The following UGT2B10 variants were observed in gnomAD, a reference collection of about 807,000 sequenced individuals.
The protein encoded by UGT2B10 is UDP glucuronosyltransferase family 2 member B10.
Under a neutral mutation model 43.7 loss-of-function variants are expected in UGT2B10, and 51 were observed. The observed-to-expected ratio is 1.17, with a 90% CI of 0.93 to 1.47. UGT2B10 has a LOEUF of 1.47. Ranked by LOEUF, UGT2B10 falls within the 40% of genes most tolerant of loss-of-function variation. The pLI, the probability that UGT2B10 is intolerant of heterozygous loss-of-function variation, is 0.00. For missense variants in UGT2B10, 696 were observed against 617.7 expected, an observed-to-expected ratio of 1.13 and a Z score of -1.34; for synonymous variants, 225 against 209.0, an observed-to-expected ratio of 1.08 and a Z score of -0.66.
chr4:68,819,741 C>T (rs887909611), intron 2 of UGT2B10, among the ~76,000 whole-genome samples: 2 of 151,930 alleles, frequency 1.3e-5, no homozygotes, highest in Non-Finnish European at 2.9e-5. Flanking sequence ...ATTTCTGCCA[C>T]TTGTTTCTGA....
chr4:68,817,587 A>G (rs555931816), intron 1 of UGT2B10, among the ~76,000 whole-genome samples: 1 of 151,958 alleles, frequency 6.6e-6, no homozygotes, highest in East Asian at 1.9e-4. Flanking sequence ...AACCAAAGAT[A>G]AAAGGATTAG....
chr4:68,826,283 G>A (rs1361974046), intron 3 of UGT2B10, 127 bp from the exon 4 acceptor site: 1 of 979,746 alleles, frequency 1.0e-6, no homozygotes. Context: ...TATTCTTTTT[G>A]CATCAGTCTT....
chr4:68,822,855 T>A (rs1737579853), intron 3 of UGT2B10, among the ~76,000 whole-genome samples: 1 of 152,172 alleles, frequency 6.6e-6, no homozygotes, highest in African/African-American at 2.4e-5. Flanking sequence ...GAAATACAAG[T>A]AAGATTTATG....
rs766138824 is a variant in UGT2B10, at chr4:68,830,714, T to C, written c.1422T>C (p.His474=). ...TCATGCGCCACAAAGGAGCCAAACA[T>C]CTTCGAGTTGCAGCCCACAACCTCA... The part of the protein sequence containing the change: ...EFVMRHKGAK[H]LRVAAHNLTW... The change falls in exon 6 of 6, where the codon CAT becomes CAC. Residue 474 remains histidine, a synonymous_variant. Transcript: ENST00000265403. 20 of 1,613,292 alleles carry C rather than the reference T, an allele frequency of 1.2e-5. No individual in the cohort carries two copies. Among genetic ancestry groups the C allele is most frequent in the African/African-American group, 5.3e-5 (4 of 74,892 alleles).
rs1253981994 is a variant in UGT2B10 at position 68,823,576 on chromosome 4, T to G, written c.999+1174T>G. Among the ~76,000 whole-genome samples the G allele has an allele frequency of 2.0e-5, 3 of 152,286 alleles. No individual in the cohort carries two copies. In the East Asian group the frequency reaches 5.8e-4, roughly 29 times the overall value. On this transcript the variant is annotated intron_variant, in intron 3 of 5. Coordinates refer to ENST00000265403, the MANE Select transcript of UGT2B10 (RefSeq NM_001075.6). Reference sequence around the variant, plus strand: ...TCAGGACCTAGAAGTTTTACTTTTATAAACATGGTGCCTGGAAGATGTCAC... The same window carrying G: ...TCAGGACCTAGAAGTTTTACTTTTAGAAACATGGTGCCTGGAAGATGTCAC...
chr4:68,816,562 G>T lies in UGT2B10; in HGVS notation c.543G>T (p.Arg181Ser), dbSNP rs781112661. The change falls in exon 1 of 6, where the codon AGG (arginine) becomes AGT (serine). Residue 181 changes from arginine to serine, a missense_variant. Physicochemically the swap from Arg to Ser is moderately radical, Grantham distance 110 (BLOSUM62 -1). Coordinates refer to ENST00000265403, the MANE Select transcript of UGT2B10 (RefSeq NM_001075.6). ...TCAGTCCTGGCTACTCATTTGAAAG[G>T]CACAGTGGAGGATTTATTTTCCCTC... ...HSFSPGYSFE[R>S]HSGGFIFPPS... 4.3e-5 allele frequency: 69 copies of T among 1,612,934 alleles called. No homozygotes were observed. The highest frequency in any genetic ancestry group is 5.6e-5 in the Non-Finnish European group (66 of 1,179,360).
intron 3 of UGT2B10, among the ~76,000 whole-genome samples, chr4:68,824,001 C>G (rs1737644309): frequency 6.6e-6 from 1 of 152,170 alleles, no homozygotes; most frequent in East Asian, 1.9e-4. Flanking sequence ...GTACACACTA[C>G]AGATGTTATC....
intron 2 of UGT2B10, among the ~76,000 whole-genome samples, chr4:68,821,551 T>A (rs536033728): frequency 6.6e-6 from 1 of 152,296 alleles, no homozygotes; most frequent in East Asian, 1.9e-4. Context: ...CTACTAACTA[T>A]AAACTGTACA....
At chr4:68,821,477 C>G (rs1265616771) in intron 2 of UGT2B10, among the ~76,000 whole-genome samples, 3 of 152,116 alleles carry the variant, frequency 2.0e-5, no homozygotes, top group Non-Finnish European at 4.4e-5. Flanking sequence ...ATCAATTTAA[C>G]AGTGTGATTT....
At chr4:68,821,555 C>A (rs1439991467) in intron 2 of UGT2B10, among the ~76,000 whole-genome samples, 1 of 152,204 alleles carries the variant, frequency 6.6e-6, no homozygotes, top group East Asian at 1.9e-4. Context: ...TAACTATAAA[C>A]TGTACAATTC....
At chr4:68,817,914 C>A in intron 1 of UGT2B10, 115 bp from the exon 2 acceptor site, 2 of 1,246,802 alleles carry the variant, frequency 1.6e-6, no homozygotes, top group Admixed American at 5.9e-5. Context: ...ACATATTTTT[C>A]AAAGCACACA....
Position 68,826,409 on chromosome 4 carries a change from G to C in UGT2B10, c.1000-1G>C, listed in dbSNP as rs535990845. 9.7e-5 allele frequency: 156 copies of C among 1,609,806 alleles called. No homozygotes were observed. The highest frequency in any genetic ancestry group is 1.1e-4 in the Non-Finnish European group (126 of 1,178,756). ...ATAAGATATTCTCTTTACTGTAACA[G>C]GTTCTTTGGAGATTTGATGGGAATA... On this transcript the variant is annotated splice_acceptor_variant, in intron 3 of 5. Transcript: ENST00000265403. LOFTEE classifies it high-confidence loss of function.
Position 68,818,158 on chromosome 4 carries a change from C to T in UGT2B10, c.848C>T (p.Pro283Leu). 6.2e-7 allele frequency: 1 copy of T among 1,609,692 alleles called. No individual in the cohort carries two copies. The highest frequency in any genetic ancestry group is 1.1e-5 in the South Asian group (1 of 90,304). The change falls in exon 2 of 6, where the codon CCT (proline) becomes CTT (leucine). Residue 283 changes from proline (P) to leucine (L), a missense_variant. Transcript: ENST00000265403. ...VDFVGGLHCK[P>L]AKPLPKEMEE... ...TTTGTTGGAGGACTCCACTGCAAAC[C>T]TGCCAAACCCCTACCTAAGGTAAAC...
chr4:68,816,391 C>A lies in UGT2B10; in HGVS notation c.372C>A (p.Asn124Lys). The A allele has an allele frequency of 1.2e-6, 2 of 1,612,704 alleles. No individual in the cohort carries two copies. The highest frequency in any genetic ancestry group is 1.7e-6 in the Non-Finnish European group (2 of 1,179,302). Residue 124 changes from asparagine to lysine, a missense_variant, in exon 1 of 6, where the codon AAC becomes AAA. By Grantham distance (94) the Asn-to-Lys change is moderately conservative. Coordinates refer to ENST00000265403, the MANE Select transcript of UGT2B10 (RefSeq NM_001075.6). ...ILWAINDIIR[N>K]FCKDVVSNKK... Reference sequence around the variant, plus strand: ...GGGCAATTAATGACATAATTAGAAACTTCTGTAAAGATGTAGTTTCAAATA... The same window carrying A: ...GGGCAATTAATGACATAATTAGAAAATTCTGTAAAGATGTAGTTTCAAATA...
In UGT2B10 at chr4:68,827,387, A is replaced by C; in HGVS notation, c.1146A>C (p.Ala382=). The C allele has an allele frequency of 6.2e-7, 1 of 1,613,468 alleles. No homozygotes were observed. Among genetic ancestry groups the C allele is most frequent in the South Asian group, 1.1e-5 (1 of 91,064 alleles). ...THGGANGIYE[A]IYHGIPMVGI... ...GTGGAGCCAATGGCATCTATGAGGCAATCTACCATGGGATCCCTATGGTGG... is the reference window on the plus strand; with the variant it reads ...GTGGAGCCAATGGCATCTATGAGGCCATCTACCATGGGATCCCTATGGTGG... The change falls in exon 5 of 6, where the codon GCA becomes GCC. Residue 382 remains alanine (A), a synonymous_variant. Transcript: ENST00000265403.
Position 68,816,651 on chromosome 4 carries a change from A to G in UGT2B10, c.632A>G (p.Lys211Arg). Residue 211 changes from lysine to arginine, a missense_variant, in exon 1 of 6, where the codon AAA becomes AGA. Transcript: ENST00000265403. ...CAAATGACTTTCATGGAGAGGGTAA[A>G]AAATATGCTCTATGTGCTTTATTTT... ...SDQMTFMERV[K>R]NMLYVLYFDF... 6.2e-7 allele frequency: 1 copy of G among 1,612,802 alleles called. No individual in the cohort carries two copies. The highest frequency in any genetic ancestry group is 8.5e-7 in the Non-Finnish European group (1 of 1,179,184).
intron 1 of UGT2B10, among the ~76,000 whole-genome samples, chr4:68,817,408 T>A (rs894718205): frequency 6.6e-6 from 1 of 151,800 alleles, no homozygotes; most frequent in Non-Finnish European, 1.5e-5. Flanking sequence ...AATACGAGAC[T>A]GATTATGGTC....
chr4:68,826,589 T>C, intron 4 of UGT2B10, 92 bp downstream of exon 4: 1 of 1,424,038 alleles, frequency 7.0e-7, no homozygotes, highest in South Asian at 1.4e-5. Context: ...GAATATTTGT[T>C]ATAGGAAAAC....
At chr4:68,817,109 T>C (rs544533338) in intron 1 of UGT2B10, among the ~76,000 whole-genome samples, 1 of 151,972 alleles carries the variant, frequency 6.6e-6, no homozygotes, top group South Asian at 2.1e-4. Flanking sequence ...TACACATTTT[T>C]CTACAACTAT....
Sources: gnomAD v4.1 joint callset for allele counts (sites outside exome capture counted in the v4.1 genomes callset) on GRCh38, gnomAD v4.1.1 for gene constraint, MANE v1.5 for transcripts, NCBI Gene and HGNC (gene_info 2026-07-23, HGNC 2026-07-21) for gene names.